The following CERT1 variants were observed in gnomAD, a reference collection of about 807,000 sequenced individuals.
The protein encoded by CERT1 is ceramide transfer protein.
Under a neutral mutation model 87.9 loss-of-function variants are expected in CERT1, and 31 were observed. That is an observed-to-expected ratio of 0.35 (90% confidence interval 0.27 to 0.48). The LOEUF (loss-of-function observed/expected upper bound fraction) is 0.48, where lower values mean the gene tolerates loss of function less well. Among genes scored for constraint, CERT1 ranks in the 20% least tolerant of loss-of-function variants. The pLI, the probability that CERT1 is intolerant of heterozygous loss-of-function variation, is 0.99. For synonymous variants in CERT1, 289 were observed against 250.9 expected (o/e 1.15, Z -1.44); for missense variants, 487 against 758.0 (o/e 0.64, Z 4.20).
chr5:75,391,924 G>C (rs775514419), intron 11 of CERT1, among the ~76,000 whole-genome samples: 4 of 152,152 alleles, frequency 2.6e-5, no homozygotes, highest in Non-Finnish European at 5.9e-5. Flanking sequence ...ACCTATGAAA[G>C]AAGAATGTGA....
At chr5:75,450,924 A>G (rs1764744789) in intron 3 of CERT1, among the ~76,000 whole-genome samples, 1 of 152,080 alleles carries the variant, frequency 6.6e-6, no homozygotes, top group South Asian at 2.1e-4. Context: ...TGCTCTCAGG[A>G]CCTCCTAGGG....
rs757349878 is a variant in CERT1 at position 75,485,312 on chromosome 5, C to CAAAA, written c.231+20666_231+20669dup. ...CCAAGACACTGTCTACACAAAAATA[C>CAAAA]AAAAAAAAAAAAAAAAAAAAAAAAA... is the stretch of plus-strand genomic sequence containing the variant. On this transcript the variant is annotated intron_variant, in intron 2 of 16. Coordinates refer to ENST00000643780, the MANE Select transcript of CERT1 (RefSeq NM_001379029.1). 7.1e-4 allele frequency among the ~76,000 whole-genome samples: 33 copies of CAAAA among 46,448 alleles called. 1 individual carries two copies. Among genetic ancestry groups the CAAAA allele is most frequent in the East Asian group, 1.8e-3 (3 of 1,672 alleles). 30.5% of individuals were successfully genotyped at this position (46,448 alleles called of 152,430 possible). A position where few individuals can be genotyped will look rare whatever the true frequency, so the allele number is the denominator to read the frequency against.
intron 11 of CERT1, 26 bp downstream of exon 11, chr5:75,399,284 G>A: frequency 6.6e-7 from 1 of 1,526,278 alleles, no homozygotes; most frequent in Non-Finnish European, 9.1e-7. Context: ...AAAGACTCAA[G>A]TCCACTCTAT....
intron 17 of CERT1, chr5:75,369,339 G>A (rs560184984): frequency 6.6e-6 from 1 of 152,228 alleles, no homozygotes; most frequent in Admixed American, 6.5e-5. Flanking sequence ...ATCATAAATC[G>A]AACCATTGTT....
chr5:75,468,491 T>C (rs924413942), intron 2 of CERT1, among the ~76,000 whole-genome samples: 5 of 152,092 alleles, frequency 3.3e-5, no homozygotes, highest in Non-Finnish European at 5.9e-5. Flanking sequence ...CAGGTTGGTA[T>C]CTGTGAACTG....
At chr5:75,441,290 T>C (rs953073057) in intron 3 of CERT1, among the ~76,000 whole-genome samples, 2 of 152,166 alleles carry the variant, frequency 1.3e-5, no homozygotes, top group African/African-American at 4.8e-5. Context: ...CTCTATCATA[T>C]AGCCTAAGTG....
At chr5:75,447,874 A>T (rs1465816149) in intron 3 of CERT1, among the ~76,000 whole-genome samples, 1 of 152,102 alleles carries the variant, frequency 6.6e-6, no homozygotes, top group Non-Finnish European at 1.5e-5. Context: ...CTCCAGGCTC[A>T]AACAATCCTC....
chr5:75,402,464 T>C (rs1248620707), intron 9 of CERT1: 1 of 152,252 alleles, frequency 6.6e-6, no homozygotes, highest in Non-Finnish European at 1.5e-5. Flanking sequence ...TTTCTTTCTA[T>C]TGCTTGGAAA....
Position 75,381,176 on chromosome 5 carries a change from T to C in CERT1, c.1643A>G (p.Lys548Arg). ...TTGACAAATCATAGCAACATTTATTTTGGCACGGACACATCGGTTGTTTAG... is the reference window on the plus strand; with the variant it reads ...TTGACAAATCATAGCAACATTTATTCTGGCACGGACACATCGGTTGTTTAG... ...APLNNRCVRA[K>R]INVAMICQTL... Residue 548 changes from lysine (K) to arginine (R), a missense_variant, in exon 16 of 17, where the codon AAA becomes AGA. Lys to Arg is a conservative substitution (Grantham distance 26). Coordinates refer to ENST00000643780, the MANE Select transcript of CERT1 (RefSeq NM_001379029.1). The C allele has an allele frequency of 6.2e-7, 1 of 1,614,190 alleles. No homozygotes were observed. Among genetic ancestry groups the C allele is most frequent in the South Asian group, 1.1e-5 (1 of 91,086 alleles).
rs1198217217 is a variant in CERT1 at position 75,392,969 on chromosome 5, C to CAA, written c.1189-3284_1189-3283dup. Among the ~76,000 whole-genome samples the CAA allele has an allele frequency of 4.0e-3, 35 of 8,698 alleles. 12 individuals carry two copies. Among genetic ancestry groups the CAA allele is most frequent in the Admixed American group, 0.012 (5 of 430 alleles). 5.7% of individuals were successfully genotyped at this position (8,698 alleles called of 152,430 possible). A position where few individuals can be genotyped will look rare whatever the true frequency, so the allele number is the denominator to read the frequency against. On this transcript the variant is annotated intron_variant, in intron 11 of 16. Coordinates refer to ENST00000643780, the MANE Select transcript of CERT1 (RefSeq NM_001379029.1). ...TGGATGACAGAGAGAGACTCCGTCT[C>CAA]AAAAAAAAAAAAAAAAAAAAAAAAA...
intron 17 of CERT1, chr5:75,370,746 G>GT (rs1761050383): frequency 6.6e-6 from 1 of 152,120 alleles, no homozygotes; most frequent in South Asian, 2.1e-4. Context: ...GAGGTCAGGA[G>GT]TTTGAGACCA....
At position 75,384,645 on chromosome 5, in the gene CERT1, GTGTGTTTGATAAA is replaced by G; in HGVS notation, c.1472_1484del (p.Ile491ThrfsTer24). 1 of 1,595,152 alleles carries G rather than the reference GTGTGTTTGATAAA, an allele frequency of 6.3e-7. No individual in the cohort carries two copies. The highest frequency in any genetic ancestry group is 8.6e-7 in the Non-Finnish European group (1 of 1,163,508). ...GGATGAATGAAGAGATCTTTACCTT[GTGTGTTTGATAAA>G]TGATGATTGCATTATCAGCTAATGT... On this transcript the variant is annotated frameshift_variant, in exon 14 of 17. Coordinates refer to ENST00000643780, the MANE Select transcript of CERT1 (RefSeq NM_001379029.1). LOFTEE classifies it high-confidence loss of function.
chr5:75,380,992 C>A (rs1761557537), intron 16 of CERT1, 80 bp downstream of exon 16: 2 of 1,445,694 alleles, frequency 1.4e-6, no homozygotes, highest in East Asian at 4.6e-5. Flanking sequence ...ACTAAAAAGG[C>A]ATTTGTCCAA....
At chr5:75,388,610 A>C (rs1441947215) in intron 12 of CERT1, among the ~76,000 whole-genome samples, 1 of 61,380 alleles carries the variant, frequency 1.6e-5, no homozygotes, top group South Asian at 6.1e-4. Context: ...ATATATATAT[A>C]TATATATATA....
At position 75,391,716 on chromosome 5, in the gene CERT1, C is replaced by G. The variant is rs139968293; in HGVS notation, c.1189-2029G>C. ...AGTTAGTATGCATAAATAAAAGTAG[C>G]ATTGGCTTGATTCATTTGTCTCTGT... On this transcript the variant is annotated intron_variant, in intron 11 of 16. Coordinates refer to ENST00000643780, the MANE Select transcript of CERT1 (RefSeq NM_001379029.1). 1.4e-3 allele frequency among the ~76,000 whole-genome samples: 216 copies of G among 152,288 alleles called. 1 individual carries two copies. Among genetic ancestry groups the G allele is most frequent in the African/African-American group, 4.3e-3 (180 of 41,546 alleles).
At chr5:75,413,787 T>C (rs993963957) in intron 7 of CERT1, among the ~76,000 whole-genome samples, 8 of 151,864 alleles carry the variant, frequency 5.3e-5, no homozygotes, top group African/African-American at 1.7e-4. Context: ...TGTCAAGAAT[T>C]AAAAATAATT....
At chr5:75,462,822 T>G (rs1313701790) in intron 2 of CERT1, among the ~76,000 whole-genome samples, 1 of 151,540 alleles carries the variant, frequency 6.6e-6, no homozygotes, top group African/African-American at 2.4e-5. Flanking sequence ...TGAAACCCCA[T>G]CTCTACTAAA....
intron 3 of CERT1, among the ~76,000 whole-genome samples, chr5:75,429,471 G>C (rs565626741): frequency 1.4e-4 from 21 of 152,208 alleles, no homozygotes; most frequent in Non-Finnish European, 2.8e-4. Flanking sequence ...CCAAAGTGCT[G>C]GGCTTATAGG....
At chr5:75,400,343 T>A in intron 9 of CERT1, 46 bp from the exon 10 acceptor site, 1 of 1,363,626 alleles carries the variant, frequency 7.3e-7, no homozygotes, top group Non-Finnish European at 1.0e-6. Context: ...TAAAGTGTAT[T>A]TTGTAACTCA....
Sources: allele counts gnomAD v4.1 joint callset (sites outside exome capture counted in the v4.1 genomes callset), GRCh38; gene constraint gnomAD v4.1.1; transcripts MANE v1.5; gene names NCBI Gene and HGNC (gene_info 2026-07-23, HGNC 2026-07-21).